Variants in ZBTB7C observed in about 807,000 individuals in gnomAD.
ZBTB7C encodes the protein zinc finger and BTB domain-containing protein 7C.
ZBTB7C carries 8 observed loss-of-function variants against 25.7 expected under a neutral mutation model. The ratio of observed to expected loss-of-function variants is 0.31; its 90% confidence interval spans 0.18 to 0.56. ZBTB7C has a LOEUF of 0.56. Ranked by LOEUF, ZBTB7C falls within the 20% of genes least tolerant of loss-of-function variation. The pLI is 0.91. For synonymous variants in ZBTB7C, 394 were observed against 369.0 expected (o/e 1.07, Z -0.78); for missense variants, 824 against 855.2 (o/e 0.96, Z 0.46).
In ZBTB7C at chr18:48,064,920, A is replaced by G. The variant is rs564851240; in HGVS notation, c.-16-23797T>C. On this transcript the variant is annotated intron_variant, in intron 3 of 4. Coordinates refer to ENST00000590800, the MANE Select transcript of ZBTB7C (RefSeq NM_001318841.2). ...AAGCCCACAGAGGGCTTCTCGAAAC[A>G]CCACCTCCCTCCTTCAGGGTACTCC... Among the ~76,000 whole-genome samples, 237 of 152,184 alleles carry G rather than the reference A, an allele frequency of 1.6e-3. 1 individual carries two copies. Among genetic ancestry groups the G allele is most frequent in the Admixed American group, 3.1e-3 (48 of 15,292 alleles).
chr18:48,036,196 T>C (rs1487321434), intron 4 of ZBTB7C, among the ~76,000 whole-genome samples: 2 of 152,088 alleles, frequency 1.3e-5, no homozygotes, highest in African/African-American at 4.8e-5. Flanking sequence ...AGAGGTGAGG[T>C]TCCTGACACC....
intron 1 of ZBTB7C, among the ~76,000 whole-genome samples, chr18:48,396,244 G>A (rs1194167237): frequency 6.6e-6 from 1 of 152,162 alleles, no homozygotes; most frequent in Non-Finnish European, 1.5e-5. Flanking sequence ...GTACCACCCA[G>A]CTGATGAGCA....
intron 3 of ZBTB7C, among the ~76,000 whole-genome samples, chr18:48,134,956 T>G (rs2040100878): frequency 6.6e-6 from 1 of 152,206 alleles, no homozygotes; most frequent in African/African-American, 2.4e-5. Context: ...CAAGTCCTGG[T>G]GACTGCAGCA....
chr18:48,367,353 T>TAC (rs1410556847), intron 1 of ZBTB7C, among the ~76,000 whole-genome samples: 1 of 132,728 alleles, frequency 7.5e-6, no homozygotes, highest in East Asian at 2.1e-4. Flanking sequence ...TGTGCATATA[T>TAC]ATATATATAT....
At chr18:48,272,025 C>T (rs532916480) in intron 2 of ZBTB7C, among the ~76,000 whole-genome samples, 2 of 152,204 alleles carry the variant, frequency 1.3e-5, no homozygotes, top group Admixed American at 1.3e-4. Context: ...TCATTAGTTG[C>T]AAATGATATC....
At chr18:48,365,390 A>G (rs933395452) in intron 1 of ZBTB7C, among the ~76,000 whole-genome samples, 5 of 152,190 alleles carry the variant, frequency 3.3e-5, no homozygotes, top group Admixed American at 6.5e-5. Flanking sequence ...ATGACTTCCA[A>G]TACAATATAG....
At chr18:48,342,061 G>A (rs1015818242) in intron 1 of ZBTB7C, among the ~76,000 whole-genome samples, 2 of 152,204 alleles carry the variant, frequency 1.3e-5, no homozygotes, top group Non-Finnish European at 2.9e-5. Context: ...GTGGGATCAG[G>A]GAGCTGGGAC....
chr18:48,311,687 G>C (rs2045824408), intron 2 of ZBTB7C, among the ~76,000 whole-genome samples: 1 of 152,188 alleles, frequency 6.6e-6, no homozygotes, highest in Admixed American at 6.5e-5. Flanking sequence ...GCAAATCTGT[G>C]ATCTTACCTG....
Position 48,249,202 on chromosome 18 carries a change from G to T in ZBTB7C, c.-78-63207C>A, listed in dbSNP as rs183834505. 3.3e-5 allele frequency among the ~76,000 whole-genome samples: 5 copies of T among 152,298 alleles called. No homozygotes were observed. In the East Asian group the frequency reaches 9.6e-4, roughly 29 times the overall value. Reference sequence around the variant, plus strand: ...AATAATATTTTTGCAAAGCAATTCAGCAATATAGAGAAAGAGCCATATACA... The same window carrying T: ...AATAATATTTTTGCAAAGCAATTCATCAATATAGAGAAAGAGCCATATACA... On this transcript the variant is annotated intron_variant, in intron 2 of 4. Transcript: ENST00000590800.
chr18:48,225,096 C>T (rs2043055579), intron 2 of ZBTB7C, among the ~76,000 whole-genome samples: 1 of 152,188 alleles, frequency 6.6e-6, no homozygotes. Context: ...CTGTATGGAC[C>T]TATGTCTTTG....
intron 1 of ZBTB7C, among the ~76,000 whole-genome samples, chr18:48,346,346 A>G (rs1185176670): frequency 6.6e-6 from 1 of 152,064 alleles, no homozygotes; most frequent in East Asian, 1.9e-4. Flanking sequence ...TTCTTCTTCT[A>G]TCCACCCCTT....
At chr18:48,064,992 CT>C (rs2037270131) in intron 3 of ZBTB7C, among the ~76,000 whole-genome samples, 1 of 152,210 alleles carries the variant, frequency 6.6e-6, no homozygotes, top group Admixed American at 6.5e-5. Context: ...CAGTCACAGA[CT>C]TTAACCGCCA....
chr18:48,029,347 C>T lies in ZBTB7C; in HGVS notation c.1773G>A (p.Leu591=). ...CCAGGCCGGCGGCCCAAGGGTCGGGCAGCGGGAAGTAGGGCCGCGCCGCCG... is the reference window on the plus strand; with the variant it reads ...CCAGGCCGGCGGCCCAAGGGTCGGGTAGCGGGAAGTAGGGCCGCGCCGCCG... ...NVAAARPYFP[L]PDPWAAGLAG... The change falls in exon 5 of 5, where the codon CTG becomes CTA. Residue 591 remains leucine, a synonymous_variant. Coordinates refer to ENST00000590800, the MANE Select transcript of ZBTB7C (RefSeq NM_001318841.2). 2 of 1,544,298 alleles carry T rather than the reference C, an allele frequency of 1.3e-6. No homozygotes were observed. The highest frequency in any genetic ancestry group is 1.7e-6 in the Non-Finnish European group (2 of 1,149,906).
chr18:48,331,687 AC>A (rs1238375691), intron 2 of ZBTB7C, among the ~76,000 whole-genome samples: 1 of 152,096 alleles, frequency 6.6e-6, no homozygotes, highest in Non-Finnish European at 1.5e-5. Flanking sequence ...TTTGCATGTG[AC>A]CCTACCGTAT....
rs532780889 is a variant in ZBTB7C, at chr18:48,116,354, G to C, written c.-17+69580C>G. Among the ~76,000 whole-genome samples the C allele has an allele frequency of 1.1e-3, 164 of 152,320 alleles. 1 individual carries two copies. The highest frequency in any genetic ancestry group is 6.8e-3 in the Middle Eastern group (2 of 294). On this transcript the variant is annotated intron_variant, in intron 3 of 4. Transcript: ENST00000590800. ...CCCTGGTAAATAGTGCCAGCTCCAT[G>C]TGTGCTTGCTCAATGAATAGATGAA...
chr18:48,384,295 G>A (rs988522822), intron 1 of ZBTB7C, among the ~76,000 whole-genome samples: 2 of 152,214 alleles, frequency 1.3e-5, no homozygotes, highest in African/African-American at 4.8e-5. Flanking sequence ...GGCAAGCATA[G>A]CTTTAAGACA....
intron 1 of ZBTB7C, among the ~76,000 whole-genome samples, chr18:48,385,505 T>A (rs1195507625): frequency 1.3e-5 from 2 of 152,258 alleles, no homozygotes; most frequent in Non-Finnish European, 2.9e-5. Context: ...GGGGTACAGC[T>A]GGAGAGAGTG....
chr18:48,380,748 G>C (rs553293744), intron 1 of ZBTB7C, among the ~76,000 whole-genome samples: 1 of 152,200 alleles, frequency 6.6e-6, no homozygotes, highest in Non-Finnish European at 1.5e-5. Context: ...AAGAAAATCT[G>C]AATAAAGAAT....
chr18:48,198,765 A>G (rs187915174), intron 2 of ZBTB7C, among the ~76,000 whole-genome samples: 6 of 152,248 alleles, frequency 3.9e-5, no homozygotes, highest in Admixed American at 3.9e-4. Context: ...ACCATCTTCA[A>G]TCCCTTCTGC....
Sources: allele counts gnomAD v4.1 joint callset (sites outside exome capture counted in the v4.1 genomes callset), GRCh38; gene constraint gnomAD v4.1.1; transcripts MANE v1.5; gene names NCBI Gene and HGNC (gene_info 2026-07-23, HGNC 2026-07-21).